EXOC6B: variants seen among roughly 807,000 people sequenced by gnomAD.
EXOC6B encodes the protein exocyst complex component 6B.
In EXOC6B, 54 loss-of-function variants were observed where a neutral mutation model predicts 113.5. The ratio of observed to expected loss-of-function variants is 0.48; its 90% CI spans 0.38 to 0.60. The LOEUF (loss-of-function observed/expected upper bound fraction) is 0.60, where lower values mean the gene tolerates loss of function less well. Ranked by LOEUF, EXOC6B falls within the 20% of genes least tolerant of loss-of-function variation. The pLI, the probability that EXOC6B is intolerant of heterozygous loss-of-function variation, is 0.00. For synonymous variants in EXOC6B, 357 were observed against 339.0 expected, an observed-to-expected ratio of 1.05 and a Z score of -0.58; for missense variants, 797 against 977.5, an observed-to-expected ratio of 0.82 and a Z score of 2.46.
At chr2:72,293,250 T>C (rs1685920251) in intron 20 of EXOC6B, among the ~76,000 whole-genome samples, 1 of 152,132 alleles carries the variant, frequency 6.6e-6, no homozygotes, top group Admixed American at 6.5e-5. Flanking sequence ...ATATCCTAAA[T>C]GAGTCCTAGG....
At chr2:72,298,372 G>A (rs1199315092) in intron 20 of EXOC6B, among the ~76,000 whole-genome samples, 2 of 151,822 alleles carry the variant, frequency 1.3e-5, no homozygotes, top group African/African-American at 4.8e-5. Context: ...TTTGAGCTTA[G>A]GTGTGTCTTT....
intron 6 of EXOC6B, among the ~76,000 whole-genome samples, chr2:72,580,517 A>G (rs1238985891): frequency 6.6e-6 from 1 of 152,162 alleles, no homozygotes; most frequent in Non-Finnish European, 1.5e-5. Context: ...AATTAATGAC[A>G]TCTAATATCA....
At chr2:72,208,877 G>A (rs1037785158) in intron 20 of EXOC6B, among the ~76,000 whole-genome samples, 1 of 152,066 alleles carries the variant, frequency 6.6e-6, no homozygotes, top group African/African-American at 2.4e-5. Flanking sequence ...TACATCAAAT[G>A]AATACATAGG....
intron 20 of EXOC6B, among the ~76,000 whole-genome samples, chr2:72,204,726 G>A (rs887312998): frequency 1.3e-5 from 2 of 152,128 alleles, no homozygotes; most frequent in African/African-American, 4.8e-5. Flanking sequence ...TTACAGAGTG[G>A]CCATAAATTT....
At chr2:72,461,733 C>A (rs528393548) in intron 18 of EXOC6B, 1 of 152,072 alleles carries the variant, frequency 6.6e-6, no homozygotes, top group South Asian at 2.1e-4. Context: ...AAGGTAAGCA[C>A]ATTTTAAGGG....
intron 20 of EXOC6B, among the ~76,000 whole-genome samples, chr2:72,238,173 T>C (rs1364367527): frequency 6.6e-6 from 1 of 152,226 alleles, no homozygotes; most frequent in East Asian, 1.9e-4. Flanking sequence ...ATATGTGGCC[T>C]TTTGTGCTTG....
chr2:72,368,633 A>G (rs527712344), intron 19 of EXOC6B, among the ~76,000 whole-genome samples: 16 of 152,334 alleles, frequency 1.1e-4, no homozygotes, highest in African/African-American at 3.6e-4. Flanking sequence ...CTGGCAAACC[A>G]AATCCAGCAG....
In EXOC6B at chr2:72,825,823, T is replaced by C; in HGVS notation, c.88A>G (p.Thr30Ala). The change falls in exon 1 of 22, where the codon ACG (threonine) becomes GCG (alanine). Residue 30 changes from threonine (T) to alanine (A), a missense_variant. By Grantham distance (58) the Thr-to-Ala change is moderately conservative. Transcript: ENST00000272427. This position sits in a 1 kb window ranked among gnomAD's most constrained non-coding sequence, Gnocchi z 4.4. The part of the protein sequence containing the change: ...RILREIESTD[T>A]ACIGPTLRSV... ...CTGAGCGTGGGCCCGATGCAGGCCG[T>C]GTCAGTGCTCTCGATCTCTCGCAGG... 5 of 1,605,940 alleles carry C rather than the reference T, an allele frequency of 3.1e-6. No homozygotes were observed. The highest frequency in any genetic ancestry group is 3.4e-6 in the Non-Finnish European group (4 of 1,175,534).
intron 20 of EXOC6B, among the ~76,000 whole-genome samples, chr2:72,282,449 G>C: frequency 6.6e-6 from 1 of 151,290 alleles, no homozygotes; most frequent in South Asian, 2.1e-4. Context: ...GAAAATAAAA[G>C]TAGAGCAATA....
intron 8 of EXOC6B, among the ~76,000 whole-genome samples, chr2:72,546,225 G>A (rs1372312224): frequency 6.6e-6 from 1 of 152,172 alleles, no homozygotes; most frequent in Admixed American, 6.5e-5. Context: ...GAGGTGGGCG[G>A]ATCACCTGAA....
At chr2:72,731,832 T>C (rs1680660498) in intron 3 of EXOC6B, among the ~76,000 whole-genome samples, 1 of 152,126 alleles carries the variant, frequency 6.6e-6, no homozygotes, top group Non-Finnish European at 1.5e-5. Context: ...AAGTCACTGA[T>C]AAAACAATCA....
chr2:72,204,023 A>G (rs1486649800), intron 20 of EXOC6B, among the ~76,000 whole-genome samples: 1 of 152,058 alleles, frequency 6.6e-6, no homozygotes, highest in Non-Finnish European at 1.5e-5. Flanking sequence ...ACGGAGTTCT[A>G]TCTTGATGCT....
At chr2:72,445,054 G>A (rs1351932983) in intron 18 of EXOC6B, among the ~76,000 whole-genome samples, 1 of 152,114 alleles carries the variant, frequency 6.6e-6, no homozygotes, top group Non-Finnish European at 1.5e-5. Flanking sequence ...AAAATGGAAT[G>A]CTTTTAACAG....
At chr2:72,724,192 A>G (rs1680170653) in intron 5 of EXOC6B, among the ~76,000 whole-genome samples, 2 of 152,182 alleles carry the variant, frequency 1.3e-5, no homozygotes, top group Admixed American at 6.5e-5. Context: ...GGATAGGTAA[A>G]AAGAAGGAAG....
chr2:72,644,917 G>C lies in EXOC6B; in HGVS notation c.670-69249C>G, dbSNP rs562712939. 7.9e-5 allele frequency among the ~76,000 whole-genome samples: 12 copies of C among 152,206 alleles called. No individual in the cohort carries two copies. In the South Asian group the frequency reaches 8.3e-4, roughly 11 times the overall value. On this transcript the variant is annotated intron_variant, in intron 6 of 21. Transcript: ENST00000272427. ...ATAACCAGCTAACATCATAATGACA[G>C]GATCAAATTCACACATAACAATATT... is the stretch of plus-strand genomic sequence containing the variant.
intron 7 of EXOC6B, among the ~76,000 whole-genome samples, chr2:72,565,556 T>C (rs1704120661): frequency 6.6e-6 from 1 of 151,960 alleles, no homozygotes. Flanking sequence ...GCTACATTAT[T>C]ATAGGTAAAG....
rs1006563209 is a variant in EXOC6B, at chr2:72,671,521, C to A, written c.669+46582G>T. ...AGACCAGTTGCCAACATGGTGAAAC[C>A]CCGTCTCTACTAAAAAAAAATAAGT... On this transcript the variant is annotated intron_variant, in intron 6 of 21. Transcript: ENST00000272427. Among the ~76,000 whole-genome samples, 52 of 151,868 alleles carry A rather than the reference C, an allele frequency of 3.4e-4. 1 individual carries two copies. Among genetic ancestry groups the A allele is most frequent in the African/African-American group, 1.2e-3 (50 of 41,304 alleles).
chr2:72,645,522 T>C (rs978847714), intron 6 of EXOC6B, among the ~76,000 whole-genome samples: 7 of 152,256 alleles, frequency 4.6e-5, no homozygotes, highest in Admixed American at 2.0e-4. Context: ...TATTCCAAAA[T>C]TGACCACACA....
chr2:72,430,942 G>A (rs1482599052), intron 18 of EXOC6B, among the ~76,000 whole-genome samples: 3 of 152,170 alleles, frequency 2.0e-5, no homozygotes, highest in South Asian at 2.1e-4. Context: ...TGGTTTTTGG[G>A]CTAACCAATT....
Sources: gnomAD v4.1 joint callset for allele counts (sites outside exome capture counted in the v4.1 genomes callset) on GRCh38, gnomAD v4.1.1 for gene constraint, Gnocchi (gnomAD v3.1) non-coding constraint, MANE v1.5 for transcripts, NCBI Gene and HGNC (gene_info 2026-07-23, HGNC 2026-07-21) for gene names.